Variants in CDK12 observed in about 807,000 individuals in gnomAD.
The protein encoded by CDK12 is cyclin dependent kinase 12.
A neutral mutation model predicts 133.8 loss-of-function variants in CDK12; 17 were observed. The ratio of observed to expected loss-of-function variants is 0.13; its 90% confidence interval spans 0.09 to 0.19. The LOEUF (loss-of-function observed/expected upper bound fraction) is 0.19, where lower values mean the gene tolerates loss of function less well. CDK12 is among the 10% of genes least tolerant of loss of function. The pLI is 1.00. For synonymous variants in CDK12, 694 were observed against 683.6 expected (o/e 1.02, Z -0.24); for missense variants, 1,508 against 1,818.7 (o/e 0.83, Z 3.11).
At chr17:39,558,977 G>A (rs1298129556) in intron 3 of CDK12, among the ~76,000 whole-genome samples, 1 of 152,066 alleles carries the variant, frequency 6.6e-6, no homozygotes, top group African/African-American at 2.4e-5. Flanking sequence ...TCTGAGACAT[G>A]GAATTATTGG....
chr17:39,548,196 C>T (rs2055805274), upstream of CDK12, among the ~76,000 whole-genome samples: 1 of 152,042 alleles, frequency 6.6e-6, no homozygotes, highest in South Asian at 2.1e-4. Context: ...CTCTGGGGCT[C>T]TCTGGGCCCC....
upstream of CDK12, chr17:39,546,672 C>G (rs1193114852): frequency 6.6e-6 from 1 of 152,232 alleles, no homozygotes; most frequent in Non-Finnish European, 1.5e-5. Flanking sequence ...GAATTAGAGG[C>G]CTGCAAGCCT....
At chr17:39,464,888 G>A (rs2049187239) in intron 1 of CDK12, among the ~76,000 whole-genome samples, 1 of 151,288 alleles carries the variant, frequency 6.6e-6, no homozygotes, top group African/African-American at 2.4e-5. Flanking sequence ...GGAAGTCAAG[G>A]CTGCAGTGAG....
At chr17:39,544,483 A>AT, upstream of CDK12, 1 of 246,800 alleles carries the variant, frequency 4.1e-6, no homozygotes, top group Non-Finnish European at 7.8e-6. Flanking sequence ...TTCTTTTTTA[A>AT]TTTTTATTTT....
In CDK12 at chr17:39,531,411, AATC is replaced by A; in HGVS notation, c.*99_*101del. The A allele has an allele frequency of 8.1e-7, 1 of 1,228,772 alleles. No homozygotes were observed. The highest frequency in any genetic ancestry group is 1.1e-6 in the Non-Finnish European group (1 of 944,712). The allele number at this position is 1,228,772 out of a possible 1,614,324, so 76.1% of individuals were successfully genotyped here. A position where few individuals can be genotyped will look rare whatever the true frequency, so the allele number is the denominator to read the frequency against. On this transcript the variant is annotated 3_prime_UTR_variant, in exon 14 of 14. Transcript: ENST00000447079. ...ATGAAATCATTTGCCAGAGCGAGGTAATCATCTGCATTTGGCTACTGCAAAGCT... is the reference window on the plus strand; with the variant it reads ...ATGAAATCATTTGCCAGAGCGAGGTAATCTGCATTTGGCTACTGCAAAGCT...
rs2049018036 is a variant in CDK12, at chr17:39,462,370, G to A, written c.299G>A (p.Arg100His). 1 of 1,614,084 alleles carries A rather than the reference G, an allele frequency of 6.2e-7. No individual in the cohort carries two copies. The highest frequency in any genetic ancestry group is 1.3e-5 in the African/African-American group (1 of 74,936). ...KLDRRENDER[R>H]GSDRSDRLHK... Reference sequence around the variant, plus strand: ...GACCGAAGGGAGAACGACGAACGTCGTGGATCAGATCGGAGCGACCGCCTG... The same window carrying A: ...GACCGAAGGGAGAACGACGAACGTCATGGATCAGATCGGAGCGACCGCCTG... Residue 100 changes from arginine to histidine, a missense_variant, in exon 1 of 14, where the codon CGT becomes CAT. By Grantham distance (29) the Arg-to-His change is conservative. Transcript: ENST00000447079.
chr17:39,532,174 C>T lies in CDK12; in HGVS notation c.*858C>T. The T allele has an allele frequency of 8.6e-6, 2 of 232,558 alleles. No homozygotes were observed. The highest frequency in any genetic ancestry group is 2.2e-5 in the African/African-American group (1 of 45,098). The allele number at this position is 232,558 out of a possible 1,614,324, so 14.4% of individuals were successfully genotyped here. ...GCTTGCTCGCTCTCGCTGTTTCTCT[C>T]TCTTTGAGGCATTTGTTTGGAAAAA... On this transcript the variant is annotated 3_prime_UTR_variant, in exon 14 of 14. Transcript: ENST00000447079.
intron 2 of CDK12, 29 bp from the exon 3 acceptor site, chr17:39,490,528 T>C (rs1162415213): frequency 9.2e-6 from 14 of 1,519,518 alleles, no homozygotes; most frequent in Non-Finnish European, 1.2e-5. Flanking sequence ...TAATTGTAAT[T>C]TTGTCATCTC....
chr17:39,466,709 G>GA (rs2049348995), intron 1 of CDK12, among the ~76,000 whole-genome samples: 1 of 116,792 alleles, frequency 8.6e-6, no homozygotes, highest in Non-Finnish European at 1.7e-5. Flanking sequence ...AATAAGTTTA[G>GA]AAAAAATTGG....
At chr17:39,476,212 C>T (rs978171729) in intron 2 of CDK12, among the ~76,000 whole-genome samples, 2 of 151,312 alleles carry the variant, frequency 1.3e-5, no homozygotes, top group South Asian at 2.1e-4. Flanking sequence ...AGGGTTCAAG[C>T]GATTCTCCTG....
intron 2 of CDK12, among the ~76,000 whole-genome samples, chr17:39,471,979 T>C (rs1022961952): frequency 6.6e-6 from 1 of 152,038 alleles, no homozygotes; most frequent in Non-Finnish European, 1.5e-5. Context: ...TTTATTTTAT[T>C]TATTTTGTAT....
At chr17:39,486,056 G>A (rs1181120162) in intron 2 of CDK12, among the ~76,000 whole-genome samples, 3 of 150,382 alleles carry the variant, frequency 2.0e-5, no homozygotes, top group African/African-American at 7.3e-5. Flanking sequence ...GGGTTGAAGC[G>A]ATTCTCCTTC....
At chr17:39,496,527 C>T (rs1039622133) in intron 5 of CDK12, among the ~76,000 whole-genome samples, 1 of 152,014 alleles carries the variant, frequency 6.6e-6, no homozygotes, top group South Asian at 2.1e-4. Context: ...TGGTGAAACC[C>T]TATCTCTACT....
At chr17:39,481,225 C>T (rs2050617464) in intron 2 of CDK12, among the ~76,000 whole-genome samples, 1 of 149,808 alleles carries the variant, frequency 6.7e-6, no homozygotes. Flanking sequence ...TGCACTCCAG[C>T]CTGGGCAACA....
At chr17:39,511,277 G>A (rs191116126) in intron 7 of CDK12, among the ~76,000 whole-genome samples, 129 of 149,342 alleles carry the variant, frequency 8.6e-4, no homozygotes, top group African/African-American at 3.0e-3. Context: ...TCTTGGACTG[G>A]CCTCAAATGA....
chr17:39,555,836 C>CACACACAA (rs2056137605), intron 2 of CDK12, among the ~76,000 whole-genome samples: 1 of 5,022 alleles, frequency 2.0e-4, no homozygotes, highest in Admixed American at 2.9e-3. Flanking sequence ...TCTACACACA[C>CACACACAA]ACACACACAC....
chr17:39,466,615 G>GAAAAAAAAAAAAAAAAAAAAAAAA (rs71147339), intron 1 of CDK12, among the ~76,000 whole-genome samples: 1 of 31,482 alleles, frequency 3.2e-5, no homozygotes, highest in African/African-American at 9.9e-5. Context: ...AACTCTATCT[G>GAAAAAAAAAAAAAAAAAAAAAAAA]AAAAAAAAAA....
chr17:39,516,866 T>C lies in CDK12; in HGVS notation c.2847-574T>C, dbSNP rs187342259. 6.5e-3 allele frequency among the ~76,000 whole-genome samples: 983 copies of C among 151,046 alleles called. 6 individuals carry two copies. The highest frequency in any genetic ancestry group is 0.01 in the Middle Eastern group (3 of 286). On this transcript the variant is annotated intron_variant, in intron 9 of 13. Coordinates refer to ENST00000447079, the MANE Select transcript of CDK12 (RefSeq NM_016507.4). ...TTTTAGTAGAGACGGGGTTTCACCA[T>C]GTTAGCCAGGATGGTCTCGATCTCC...
chr17:39,481,577 T>C (rs931362842), intron 2 of CDK12, among the ~76,000 whole-genome samples: 1 of 150,858 alleles, frequency 6.6e-6, no homozygotes, highest in Admixed American at 6.7e-5. Context: ...TCCAAAGTGC[T>C]GGAATTACAC....
Sources: gnomAD v4.1 joint callset for allele counts (sites outside exome capture counted in the v4.1 genomes callset) on GRCh38, gnomAD v4.1.1 for gene constraint, MANE v1.5 for transcripts, NCBI Gene and HGNC (gene_info 2026-07-23, HGNC 2026-07-21) for gene names.